MAST4: variants seen among roughly 807,000 people sequenced by gnomAD.
The protein encoded by MAST4 is microtubule-associated serine/threonine-protein kinase 4.
A neutral mutation model predicts 162.7 loss-of-function variants in MAST4; 89 were observed. The observed-to-expected ratio is 0.55, with a 90% CI of 0.46 to 0.65. MAST4 has a LOEUF of 0.65. MAST4 is among the 30% of genes least tolerant of loss of function. The probability of loss-of-function intolerance (pLI) is 0.00; values close to 1 mark genes in which losing one functional copy is unlikely to be tolerated. For missense variants in MAST4, 3,153 were observed against 3,374.0 expected (o/e 0.93, Z 1.62); for synonymous variants, 1,479 against 1,361.1 (o/e 1.09, Z -1.91).
intron 3 of MAST4, among the ~76,000 whole-genome samples, chr5:66,797,326 C>G (rs1260682079): frequency 6.6e-6 from 1 of 152,080 alleles, no homozygotes; most frequent in Admixed American, 6.6e-5. Context: ...TAGGAAATCC[C>G]TGGTTATTGT....
At chr5:66,859,816 C>A (rs937706983) in intron 3 of MAST4, among the ~76,000 whole-genome samples, 1 of 152,190 alleles carries the variant, frequency 6.6e-6, no homozygotes, top group Admixed American at 6.5e-5. Context: ...AAGAGAGTGC[C>A]GTGCTGCCTA....
Position 67,160,485 on chromosome 5 carries a change from C to T in MAST4, c.3678C>T (p.Thr1226=). Residue 1226 remains threonine (T), a synonymous_variant, in exon 27 of 29, where the codon ACC becomes ACT. Transcript: ENST00000403625. ...KSGNKVSITT[T]PFENTSIKTG... is the part of the protein sequence containing the mutation. ...GGAATAAGGTGTCAATCACTACTAC[C>T]CCATTTGAAAACACATCAATCAAAA... The T allele has an allele frequency of 6.2e-7, 1 of 1,613,812 alleles. No homozygotes were observed. Among genetic ancestry groups the T allele is most frequent in the Non-Finnish European group, 8.5e-7 (1 of 1,179,820 alleles).
chr5:66,902,724 A>T (rs1763090711), intron 4 of MAST4: 1 of 470,002 alleles, frequency 2.1e-6, no homozygotes, highest in Non-Finnish European at 4.4e-6. Context: ...AGATGCTGTT[A>T]TGAGATTGTC....
intron 3 of MAST4, among the ~76,000 whole-genome samples, chr5:66,891,419 C>G (rs756617729): frequency 2.8e-4 from 43 of 152,178 alleles, no homozygotes; most frequent in Non-Finnish European, 5.1e-4. Context: ...AACTTCTCTC[C>G]CATGTTGCCC....
intron 4 of MAST4, among the ~76,000 whole-genome samples, chr5:67,030,259 G>A (rs1755143327): frequency 6.6e-6 from 1 of 152,098 alleles, no homozygotes; most frequent in African/African-American, 2.4e-5. Flanking sequence ...TAATAGCATG[G>A]TGTGATACCT....
chr5:66,911,767 T>TATTATAGAAATTATAATATAG, intron 4 of MAST4, among the ~76,000 whole-genome samples: 1 of 152,138 alleles, frequency 6.6e-6, no homozygotes, highest in Non-Finnish European at 1.5e-5. Flanking sequence ...TTTAAACGTG[T>TATTATAGAAATTATAATATAG]ATTATAGAAA....
intron 4 of MAST4, among the ~76,000 whole-genome samples, chr5:66,954,600 A>G (rs1238236938): frequency 7.2e-5 from 11 of 152,220 alleles, no homozygotes; most frequent in African/African-American, 2.4e-4. Context: ...GGTGAAAAAT[A>G]CATCAAGATG....
intron 2 of MAST4, among the ~76,000 whole-genome samples, chr5:66,782,721 G>A (rs143670753): frequency 6.6e-6 from 1 of 152,262 alleles, no homozygotes; most frequent in African/African-American, 2.4e-5. Context: ...GCTCAATTTG[G>A]TATTAAAATA....
chr5:66,621,264 C>T (rs1310420816), intron 1 of MAST4, among the ~76,000 whole-genome samples: 3 of 152,150 alleles, frequency 2.0e-5, no homozygotes, highest in East Asian at 3.9e-4. Context: ...ATGTCCAAGG[C>T]ACTACTGTAA....
Position 66,917,918 on chromosome 5 carries a change from G to A in MAST4, c.674+17936G>A, listed in dbSNP as rs548252253. 1.9e-4 allele frequency among the ~76,000 whole-genome samples: 29 copies of A among 152,082 alleles called. No homozygotes were observed. The East Asian group carries it at 4.1e-3, about 21-fold the overall frequency. On this transcript the variant is annotated intron_variant, in intron 4 of 28. Transcript: ENST00000403625. ...AAATTAAAAATTTAAAATTGAAGGCGTTTTATCGTAAATGCTTTTAAAATG... is the reference window on the plus strand; with the variant it reads ...AAATTAAAAATTTAAAATTGAAGGCATTTTATCGTAAATGCTTTTAAAATG...
At chr5:67,160,418 C>T (rs1773052356) in intron 26 of MAST4, 38 bp from the exon 27 acceptor site, 1 of 1,585,704 alleles carries the variant, frequency 6.3e-7, no homozygotes, top group African/African-American at 1.4e-5. Flanking sequence ...TGCTTCATCA[C>T]AGCATTTCCC....
rs375744842 is a variant in MAST4 at position 66,648,083 on chromosome 5, T to TGAGA, written c.363+51084_363+51087dup. ...GTGTGTGTGTGTGTGTGTGTGTGTGTGAGAGAGAGAGAGAGAGAGAGATTT... is the reference window on the plus strand; with the variant it reads ...GTGTGTGTGTGTGTGTGTGTGTGTGTGAGAGAGAGAGAGAGAGAGAGAGAGATTT... On this transcript the variant is annotated intron_variant, in intron 1 of 28. Coordinates refer to ENST00000403625, the MANE Select transcript of MAST4 (RefSeq NM_001164664.2). Among the ~76,000 whole-genome samples, 70 of 87,162 alleles carry TGAGA rather than the reference T, an allele frequency of 8.0e-4. No homozygotes were observed. In the East Asian group the frequency reaches 0.014, roughly 17 times the overall value. The allele number at this position is 87,162 out of a possible 152,430, so 57.2% of individuals were successfully genotyped here.
chr5:67,144,660 G>A lies in MAST4; in HGVS notation c.2731-9G>A, dbSNP rs761482161. 11 of 1,612,344 alleles carry A rather than the reference G, an allele frequency of 6.8e-6. No individual in the cohort carries two copies. The highest frequency in any genetic ancestry group is 7.6e-6 in the Non-Finnish European group (9 of 1,179,348). On this transcript the variant is annotated splice_polypyrimidine_tract_variant and intron_variant, in intron 21 of 28. Transcript: ENST00000403625. ...AGATATTAATAAGCACCAATTATTT[G>A]CCTTCCAGGTTTTCAGCAGTATAGA...
chr5:66,669,546 T>G (rs1050828329), intron 1 of MAST4, among the ~76,000 whole-genome samples: 1 of 151,956 alleles, frequency 6.6e-6, no homozygotes, highest in Non-Finnish European at 1.5e-5. Context: ...TCAGCAGCAG[T>G]GGGAGAGGTA....
At chr5:66,918,666 A>G (rs1764271555) in intron 4 of MAST4, among the ~76,000 whole-genome samples, 1 of 129,730 alleles carries the variant, frequency 7.7e-6, no homozygotes, top group Non-Finnish European at 1.9e-5. Context: ...TTAGCTTACA[A>G]ATAAAGACAA....
At position 67,163,677 on chromosome 5, in the gene MAST4, A is replaced by C; in HGVS notation, c.4498A>C (p.Ser1500Arg). The change falls in exon 29 of 29, where the codon AGC becomes CGC. Residue 1500 changes from serine (S) to arginine (R), a missense_variant. Ser to Arg is a moderately radical substitution (Grantham distance 110). Around this residue, in one of 7 missense-constraint regions of MAST4, gnomAD observed 1,644 missense variants for 1,495.0 expected, o/e 1.10. Coordinates refer to ENST00000403625, the MANE Select transcript of MAST4 (RefSeq NM_001164664.2). This position sits in a 1 kb window ranked among gnomAD's most constrained non-coding sequence, Gnocchi z 7.0. ...GAACGTGTGCGACGTGCCGCCGCTC[A>C]GCCGCGCCCGGCCAGTGGAGCAAGG... The part of the protein sequence containing the change: ...DENVCDVPPL[S>R]RARPVEQGCL... 1 of 1,608,896 alleles carries C rather than the reference A, an allele frequency of 6.2e-7. No homozygotes were observed. Among genetic ancestry groups the C allele is most frequent in the Non-Finnish European group, 8.5e-7 (1 of 1,178,222 alleles).
intron 4 of MAST4, among the ~76,000 whole-genome samples, chr5:67,047,363 G>A (rs886916750): frequency 2.6e-5 from 4 of 152,102 alleles, no homozygotes; most frequent in East Asian, 1.9e-4. Context: ...CTCTCTGCAC[G>A]CCTGCCATGC....
rs147701844 is a variant in MAST4 at position 66,882,814 on chromosome 5, G to A, written c.643-17137G>A. ...TCAGCACCCTACTACAGTGTATGAC[G>A]CAGAAGAGGCATACCTTTTTCTGAA... On this transcript the variant is annotated intron_variant, in intron 3 of 28. Transcript: ENST00000403625. 2.6e-5 allele frequency among the ~76,000 whole-genome samples: 4 copies of A among 152,206 alleles called. No homozygotes were observed. The East Asian group carries it at 5.8e-4, about 22-fold the overall frequency.
intron 4 of MAST4, among the ~76,000 whole-genome samples, chr5:66,905,028 G>A (rs577280335): frequency 1.3e-4 from 20 of 152,172 alleles, no homozygotes; most frequent in Admixed American, 3.3e-4. Flanking sequence ...ATCCAAGGCC[G>A]GGCGCAGTGG....
Sources: allele counts gnomAD v4.1 joint callset (sites outside exome capture counted in the v4.1 genomes callset), GRCh38; gene constraint gnomAD v4.1.1; regional missense constraint gnomAD v4.1.1; non-coding constraint Gnocchi (gnomAD v3.1); transcripts MANE v1.5; gene names NCBI Gene and HGNC (gene_info 2026-07-23, HGNC 2026-07-21).